Variants in COL25A1 observed in about 807,000 individuals in gnomAD.
COL25A1 encodes collagen type XXV alpha 1 chain.
COL25A1 carries 103 observed loss-of-function variants against 128.4 expected under a neutral mutation model. The ratio of observed to expected loss-of-function variants is 0.80; its 90% CI spans 0.68 to 0.94. COL25A1 has a LOEUF of 0.94. COL25A1 is among the 40% of genes least tolerant of loss of function. The pLI, the probability that COL25A1 is intolerant of heterozygous loss-of-function variation, is 0.00. For missense variants in COL25A1, 745 were observed against 840.0 expected (o/e 0.89, Z 1.40); for synonymous variants, 279 against 277.2 (o/e 1.01, Z -0.06).
chr4:108,886,599 G>A (rs1169434709), intron 18 of COL25A1, among the ~76,000 whole-genome samples: 2 of 151,886 alleles, frequency 1.3e-5, no homozygotes, highest in South Asian at 2.1e-4. Context: ...TAGCTTTTCA[G>A]TTAACTTCTC....
intron 3 of COL25A1, among the ~76,000 whole-genome samples, chr4:109,172,315 A>G (rs910811146): frequency 6.6e-6 from 1 of 152,166 alleles, no homozygotes; most frequent in African/African-American, 2.4e-5. Context: ...AGCAGATACA[A>G]AAAATGCGAT....
chr4:109,079,628 T>G (rs1413911990), intron 3 of COL25A1, among the ~76,000 whole-genome samples: 1 of 152,068 alleles, frequency 6.6e-6, no homozygotes, highest in Non-Finnish European at 1.5e-5. Flanking sequence ...GAGCTAATTC[T>G]GGCTTATAGG....
At chr4:109,037,524 C>A (rs1416741155) in intron 5 of COL25A1, among the ~76,000 whole-genome samples, 1 of 152,198 alleles carries the variant, frequency 6.6e-6, no homozygotes, top group Non-Finnish European at 1.5e-5. Flanking sequence ...ATGCTAGCAC[C>A]AATCAATTTC....
chr4:109,281,441 T>C (rs536900527), intron 3 of COL25A1, among the ~76,000 whole-genome samples: 225 of 150,342 alleles, frequency 1.5e-3, no homozygotes, highest in African/African-American at 5.0e-3. Flanking sequence ...AAATTCCAAA[T>C]AAACAAGATT....
intron 26 of COL25A1, among the ~76,000 whole-genome samples, chr4:108,851,764 G>A (rs1735805374): frequency 6.6e-6 from 1 of 152,080 alleles, no homozygotes; most frequent in African/African-American, 2.4e-5. Context: ...AATAAAGAAT[G>A]CATTATGAAA....
At chr4:109,295,764 C>G (rs993024178) in intron 3 of COL25A1, among the ~76,000 whole-genome samples, 7 of 152,088 alleles carry the variant, frequency 4.6e-5, no homozygotes, top group Non-Finnish European at 8.8e-5. Context: ...GCAACGAGGT[C>G]AGTCACCAGG....
intron 8 of COL25A1, among the ~76,000 whole-genome samples, chr4:108,964,229 G>C (rs1212844915): frequency 2.6e-5 from 4 of 151,522 alleles, no homozygotes; most frequent in Non-Finnish European, 5.9e-5. Flanking sequence ...TATTTAAACT[G>C]GTTGGTATCA....
intron 6 of COL25A1, among the ~76,000 whole-genome samples, chr4:108,995,812 T>C (rs1382899151): frequency 6.6e-6 from 1 of 152,136 alleles, no homozygotes; most frequent in African/African-American, 2.4e-5. Context: ...GGGGCCAATA[T>C]TCAACATTCT....
intron 3 of COL25A1, among the ~76,000 whole-genome samples, chr4:109,260,864 T>C (rs1405584024): frequency 1.3e-5 from 2 of 152,014 alleles, no homozygotes; most frequent in African/African-American, 2.4e-5. Flanking sequence ...AAAAACAATA[T>C]TATAAAAGAA....
intron 19 of COL25A1, among the ~76,000 whole-genome samples, chr4:108,879,694 G>A (rs1008880608): frequency 3.3e-5 from 5 of 152,078 alleles, no homozygotes; most frequent in African/African-American, 9.7e-5. Context: ...TGATCCACCC[G>A]CCTCGGCCTC....
At chr4:108,982,204 C>A (rs990259935) in intron 6 of COL25A1, among the ~76,000 whole-genome samples, 1 of 152,114 alleles carries the variant, frequency 6.6e-6, no homozygotes, top group Admixed American at 6.5e-5. Flanking sequence ...AAAAAACACA[C>A]ACACACAAAC....
chr4:108,844,628 C>G, intron 29 of COL25A1, 59 bp from the exon 30 acceptor site: 2 of 1,569,252 alleles, frequency 1.3e-6, no homozygotes, highest in African/African-American at 1.4e-5. Flanking sequence ...GGCAGTTCAA[C>G]TTGAATCTTG....
chr4:109,146,272 T>C (rs1770937899), intron 3 of COL25A1, among the ~76,000 whole-genome samples: 1 of 152,218 alleles, frequency 6.6e-6, no homozygotes, highest in African/African-American at 2.4e-5. Context: ...ACACCCCTCA[T>C]AATTACTATT....
chr4:109,224,801 G>A lies in COL25A1; in HGVS notation c.367+75782C>T, dbSNP rs1578485394. 5.3e-5 allele frequency among the ~76,000 whole-genome samples: 8 copies of A among 152,208 alleles called. No individual in the cohort carries two copies. In the South Asian group the frequency reaches 1.7e-3, roughly 32 times the overall value. On this transcript the variant is annotated intron_variant, in intron 3 of 37. Coordinates refer to ENST00000399132, the MANE Select transcript of COL25A1 (RefSeq NM_198721.4). ...CTAAAAATACAAAAATTAGCCGGGT[G>A]TGGTGGCAGGTGCCTGTAATCCCAG...
intron 13 of COL25A1, among the ~76,000 whole-genome samples, chr4:108,914,652 C>CTTTTTTTTT (rs386401119): frequency 4.1e-5 from 4 of 98,576 alleles, no homozygotes; most frequent in African/African-American, 4.1e-5. Context: ...TTTGCTGAAA[C>CTTTTTTTTT]TTTTTTTTTT....
intron 5 of COL25A1, among the ~76,000 whole-genome samples, chr4:109,037,101 C>T (rs1759429573): frequency 1.3e-5 from 2 of 152,044 alleles, no homozygotes; most frequent in Admixed American, 1.3e-4. Flanking sequence ...ATTTCGTCTC[C>T]CAGAAGAACA....
chr4:108,821,600 A>G (rs1731777617), intron 35 of COL25A1, among the ~76,000 whole-genome samples: 1 of 152,204 alleles, frequency 6.6e-6, no homozygotes, highest in Non-Finnish European at 1.5e-5. Context: ...CAGATTAACC[A>G]CTCAACAGAA....
At chr4:108,984,879 G>C (rs546224208) in intron 6 of COL25A1, among the ~76,000 whole-genome samples, 5 of 152,254 alleles carry the variant, frequency 3.3e-5, no homozygotes, top group Non-Finnish European at 7.3e-5. Context: ...AAGAGCCAGC[G>C]ACGGCTGTGA....
intron 3 of COL25A1, among the ~76,000 whole-genome samples, chr4:109,054,943 T>C (rs1761326952): frequency 1.3e-5 from 2 of 152,168 alleles, no homozygotes; most frequent in Admixed American, 1.3e-4. Flanking sequence ...GGGAGGAACC[T>C]GTCTGGGCAC....
Sources: allele counts gnomAD v4.1 joint callset (sites outside exome capture counted in the v4.1 genomes callset), GRCh38; gene constraint gnomAD v4.1.1; transcripts MANE v1.5; gene names NCBI Gene and HGNC (gene_info 2026-07-23, HGNC 2026-07-21).